The following PPP1R16B variants were observed in gnomAD, a reference collection of about 807,000 sequenced individuals.
PPP1R16B encodes protein phosphatase 1 regulatory subunit 16B, also known as protein phosphatase 1 regulatory inhibitor subunit 16B.
Under a neutral mutation model 61.7 loss-of-function variants are expected in PPP1R16B, and 14 were observed. That is an observed-to-expected ratio of 0.23 (90% CI 0.15 to 0.35). The LOEUF (loss-of-function observed/expected upper bound fraction) is 0.35, where lower values mean the gene tolerates loss of function less well. PPP1R16B is among the 10% of genes least tolerant of loss of function. PPP1R16B has a pLI of 1.00. For synonymous variants in PPP1R16B, 266 were observed against 305.3 expected, an observed-to-expected ratio of 0.87 and a Z score of 1.34; for missense variants, 547 against 752.5, an observed-to-expected ratio of 0.73 and a Z score of 3.19.
At chr20:38,848,088 A>G (rs1568661003) in intron 2 of PPP1R16B, among the ~76,000 whole-genome samples, 1 of 152,242 alleles carries the variant, frequency 6.6e-6, no homozygotes, top group Non-Finnish European at 1.5e-5. Context: ...CTTTCACATT[A>G]CAATGGCAGA....
rs1285368415 is a variant in PPP1R16B, at chr20:38,919,009, CACACACACACATAT to C, written c.*355_*368del. ...TACATGCATGTCACATTAACACACA[CACACACACACATAT>C]ACACACACACACAAGCTCGATCAGT... is the stretch of plus-strand genomic sequence containing the variant. On this transcript the variant is annotated 3_prime_UTR_variant, in exon 11 of 11. Transcript: ENST00000299824. 2.8e-5 allele frequency: 6 copies of C among 215,412 alleles called. No individual in the cohort carries two copies. The East Asian group carries it at 3.0e-4, about 11-fold the overall frequency. The allele number at this position is 215,412 out of a possible 1,614,324, so 13.3% of individuals were successfully genotyped here.
In PPP1R16B at chr20:38,918,366, C is replaced by T. The variant is rs1432717204; in HGVS notation, c.1404C>T (p.Pro468=). 2.5e-6 allele frequency: 4 copies of T among 1,614,140 alleles called. No individual in the cohort carries two copies. In the South Asian group the frequency reaches 4.4e-5, roughly 18 times the overall value. The change falls in exon 11 of 11, where the codon CCC becomes CCT. Residue 468 remains proline (P), a synonymous_variant. Coordinates refer to ENST00000299824, the MANE Select transcript of PPP1R16B (RefSeq NM_015568.4). The surrounding 1 kb of genome is among the most constrained non-coding windows in gnomAD (Gnocchi z 5.3). ...CTGGCGTGGCCGACGCCACCCCGCC[C>T]TGGAGCAGCTACAAGGAACAGAGCC... is the stretch of plus-strand genomic sequence containing the variant. ...GNPGVADATP[P]WSSYKEQSPQ...
intron 2 of PPP1R16B, among the ~76,000 whole-genome samples, chr20:38,859,959 A>G (rs756155595): frequency 1.3e-5 from 2 of 152,078 alleles, no homozygotes; most frequent in Non-Finnish European, 2.9e-5. Flanking sequence ...TGTTTTTTTC[A>G]TATCTTTTAC....
At chr20:38,903,532 ACCATCCATCCAT>A (rs375386185) in intron 6 of PPP1R16B, among the ~76,000 whole-genome samples, 1 of 145,326 alleles carries the variant, frequency 6.9e-6, no homozygotes, top group Admixed American at 6.8e-5. Context: ...GGTCCATCCA[ACCATCCATCCAT>A]CCATCCATCC....
At chr20:38,877,852 T>C (rs551151121) in intron 2 of PPP1R16B, among the ~76,000 whole-genome samples, 17 of 152,270 alleles carry the variant, frequency 1.1e-4, no homozygotes, top group African/African-American at 4.1e-4. Context: ...ACCTCCACTT[T>C]CTTTGTGTTT....
At chr20:38,875,401 T>A (rs1241622069) in intron 2 of PPP1R16B, among the ~76,000 whole-genome samples, 1 of 152,222 alleles carries the variant, frequency 6.6e-6, no homozygotes, top group Non-Finnish European at 1.5e-5. Context: ...TTTCTGCTGC[T>A]GCACGGGCAG....
intron 2 of PPP1R16B, among the ~76,000 whole-genome samples, chr20:38,883,713 G>C (rs535803107): frequency 4.7e-4 from 72 of 152,340 alleles, no homozygotes; most frequent in African/African-American, 1.7e-3. Context: ...AAGCTCTTGA[G>C]AGGTGCAAGA....
chr20:38,850,596 T>C (rs1356307677), intron 2 of PPP1R16B, among the ~76,000 whole-genome samples: 1 of 152,206 alleles, frequency 6.6e-6, no homozygotes, highest in African/African-American at 2.4e-5. Context: ...TTAGAAATAA[T>C]GTAGTCAACT....
intron 5 of PPP1R16B, 136 bp from the exon 6 acceptor site, chr20:38,902,532 C>A: frequency 2.4e-6 from 3 of 1,227,600 alleles, no homozygotes; most frequent in Admixed American, 1.9e-5. Flanking sequence ...AGACAATGAT[C>A]TATGGGCATG....
At chr20:38,896,706 A>G (rs1435795464) in intron 4 of PPP1R16B, among the ~76,000 whole-genome samples, 1 of 152,134 alleles carries the variant, frequency 6.6e-6, no homozygotes, top group Non-Finnish European at 1.5e-5. Context: ...ACCACTCTCC[A>G]TCTTCAGAAT....
At chr20:38,814,579 C>A (rs916007316) in intron 1 of PPP1R16B, among the ~76,000 whole-genome samples, 2 of 152,128 alleles carry the variant, frequency 1.3e-5, no homozygotes, top group African/African-American at 2.4e-5. Flanking sequence ...ATTCTTATGG[C>A]ATTATTATCA....
At chr20:38,855,864 C>T (rs1163408073) in intron 2 of PPP1R16B, among the ~76,000 whole-genome samples, 2 of 140,712 alleles carry the variant, frequency 1.4e-5, no homozygotes, top group African/African-American at 5.4e-5. Context: ...GACATCGCAT[C>T]TGTAAATACC....
rs79688696 is a variant in PPP1R16B, at chr20:38,825,604, G to C, written c.-101-10221G>C. ...AGTTCTTCCTTTGCTCCCTAGGATG[G>C]GTTATTGGAAACATTCCTATGTGAA... On this transcript the variant is annotated intron_variant, in intron 1 of 10. Coordinates refer to ENST00000299824, the MANE Select transcript of PPP1R16B (RefSeq NM_015568.4). Among the ~76,000 whole-genome samples the C allele has an allele frequency of 9.4e-3, 1,427 of 152,168 alleles. 12 individuals are homozygous for C. Among genetic ancestry groups the C allele is most frequent in the Admixed American group, 0.019 (287 of 15,292 alleles).
intron 2 of PPP1R16B, among the ~76,000 whole-genome samples, chr20:38,868,387 G>GTA (rs1568667599): frequency 6.9e-6 from 1 of 145,638 alleles, no homozygotes; most frequent in East Asian, 2.0e-4. Flanking sequence ...CAAATGGTAA[G>GTA]TTTTTTTTTT....
At chr20:38,819,727 G>A (rs148502663) in intron 1 of PPP1R16B, among the ~76,000 whole-genome samples, 1 of 151,940 alleles carries the variant, frequency 6.6e-6, no homozygotes, top group East Asian at 1.9e-4. Context: ...TCAATTTCTG[G>A]CTGCGTTCCA....
intron 2 of PPP1R16B, among the ~76,000 whole-genome samples, chr20:38,864,706 G>T (rs1021649091): frequency 6.6e-6 from 1 of 152,132 alleles, no homozygotes; most frequent in Admixed American, 6.5e-5. Flanking sequence ...AAAGACCACC[G>T]GAGTCCCCCA....
Position 38,918,708 on chromosome 20 carries a change from C to G in PPP1R16B, c.*42C>G. On this transcript the variant is annotated 3_prime_UTR_variant, in exon 11 of 11. Coordinates refer to ENST00000299824, the MANE Select transcript of PPP1R16B (RefSeq NM_015568.4). The surrounding 1 kb of genome is among the most constrained non-coding windows in gnomAD (Gnocchi z 5.3). ...GAGGGAGATGCCTGGGGAGGGGCTCCTGGAATCCAGGCCAGCCCAACAGCC... is the reference window on the plus strand; with the variant it reads ...GAGGGAGATGCCTGGGGAGGGGCTCGTGGAATCCAGGCCAGCCCAACAGCC... 1 of 1,485,040 alleles carries G rather than the reference C, an allele frequency of 6.7e-7. No homozygotes were observed. Among genetic ancestry groups the G allele is most frequent in the Non-Finnish European group, 8.9e-7 (1 of 1,122,662 alleles). The allele number at this position is 1,485,040 out of a possible 1,614,324, so 92.0% of individuals were successfully genotyped here. A position where few individuals can be genotyped will look rare whatever the true frequency, so the allele number is the denominator to read the frequency against.
At chr20:38,815,562 T>C (rs780982125) in intron 1 of PPP1R16B, among the ~76,000 whole-genome samples, 1 of 152,272 alleles carries the variant, frequency 6.6e-6, no homozygotes, top group African/African-American at 2.4e-5. Flanking sequence ...TCAACTGTGA[T>C]AGACATTGCT....
chr20:38,827,661 A>G (rs1450105023), intron 1 of PPP1R16B, among the ~76,000 whole-genome samples: 1 of 152,244 alleles, frequency 6.6e-6, no homozygotes, highest in African/African-American at 2.4e-5. Context: ...TAGCAGGAGT[A>G]GGACAGTCAG....
Sources: allele counts gnomAD v4.1 joint callset (sites outside exome capture counted in the v4.1 genomes callset), GRCh38; gene constraint gnomAD v4.1.1; non-coding constraint Gnocchi (gnomAD v3.1); transcripts MANE v1.5; gene names NCBI Gene and HGNC (gene_info 2026-07-23, HGNC 2026-07-21).